RANBP3: variants seen among roughly 807,000 people sequenced by gnomAD.
The protein encoded by RANBP3 is RAN binding protein 3.
A neutral mutation model predicts 77.3 loss-of-function variants in RANBP3; 14 were observed. The observed-to-expected ratio is 0.18, with a 90% CI of 0.12 to 0.28. RANBP3 has a LOEUF of 0.28. RANBP3 is among the 10% of genes least tolerant of loss of function. The pLI, the probability that RANBP3 is intolerant of heterozygous loss-of-function variation, is 1.00. For synonymous variants in RANBP3, 315 were observed against 312.4 expected (o/e 1.01, Z -0.09); for missense variants, 586 against 752.3 (o/e 0.78, Z 2.59).
chr19:5,949,789 G>A (rs1468611892), intron 3 of RANBP3, among the ~76,000 whole-genome samples: 1 of 152,188 alleles, frequency 6.6e-6, no homozygotes, highest in Admixed American at 6.5e-5. Context: ...ATGAACATGT[G>A]GACGAGGTGA....
chr19:5,935,393 C>T (rs2058050431), intron 5 of RANBP3, among the ~76,000 whole-genome samples: 1 of 152,208 alleles, frequency 6.6e-6, no homozygotes, highest in East Asian at 1.9e-4. Flanking sequence ...GGGGGTGAGC[C>T]GCCAGATGTT....
At chr19:5,966,391 G>C (rs1203261656) in intron 1 of RANBP3, among the ~76,000 whole-genome samples, 1 of 152,190 alleles carries the variant, frequency 6.6e-6, no homozygotes, top group Non-Finnish European at 1.5e-5. Flanking sequence ...AAGGATCAAA[G>C]ACACATTCCA....
intron 3 of RANBP3, chr19:5,950,672 C>T (rs2058264195): frequency 1.3e-5 from 2 of 152,250 alleles, no homozygotes; most frequent in Admixed American, 1.3e-4. Flanking sequence ...TCATGAGTTA[C>T]CTACAGGATG....
chr19:5,920,026 G>T (rs2057797364), intron 14 of RANBP3, among the ~76,000 whole-genome samples: 1 of 152,202 alleles, frequency 6.6e-6, no homozygotes, highest in Non-Finnish European at 1.5e-5. Flanking sequence ...CCCTTCAAGG[G>T]GGCTGCTTGA....
chr19:5,928,652 G>T (rs1382546026), intron 8 of RANBP3, among the ~76,000 whole-genome samples: 1 of 152,068 alleles, frequency 6.6e-6, no homozygotes, highest in Non-Finnish European at 1.5e-5. Context: ...TAAGTCGGGA[G>T]AGAGAATTCA....
intron 13 of RANBP3, among the ~76,000 whole-genome samples, chr19:5,922,648 A>C (rs1250095727): frequency 3.9e-5 from 6 of 152,224 alleles, no homozygotes; most frequent in Non-Finnish European, 7.3e-5. Flanking sequence ...GAACCATCAA[A>C]AATGTCTCGG....
rs1433974533 is a variant in RANBP3, at chr19:5,958,924, C to T, written c.23-951G>A. ...TGCGGGCTGCGCACTGGTGCCTCCG[C>T]GTTGAGCAGGGTTTGGGAAGAGCCC... On this transcript the variant is annotated intron_variant, in intron 1 of 16. Transcript: ENST00000340578. The surrounding 1 kb of genome is among the most constrained non-coding windows in gnomAD (Gnocchi z 4.4). Among the ~76,000 whole-genome samples, 1 of 152,250 alleles carries T rather than the reference C, an allele frequency of 6.6e-6. No homozygotes were observed. The highest frequency in any genetic ancestry group is 1.5e-5 in the Non-Finnish European group (1 of 68,044).
chr19:5,962,498 G>C (rs2058416195), intron 1 of RANBP3, among the ~76,000 whole-genome samples: 1 of 152,172 alleles, frequency 6.6e-6, no homozygotes, highest in African/African-American at 2.4e-5. Context: ...CCGGCAGTTA[G>C]AGGGTGAATG....
intron 5 of RANBP3, chr19:5,935,575 C>T: frequency 2.8e-6 from 1 of 353,252 alleles, no homozygotes; most frequent in South Asian, 2.0e-5. Context: ...TGACTACTGC[C>T]CTTCCACACT....
chr19:5,919,342 C>G, intron 14 of RANBP3, among the ~76,000 whole-genome samples: 1 of 152,220 alleles, frequency 6.6e-6, no homozygotes, highest in East Asian at 1.9e-4. Flanking sequence ...CCCACTGGAG[C>G]AGGCCTGGAG....
intron 1 of RANBP3, chr19:5,962,741 T>A (rs896540978): frequency 2.2e-6 from 1 of 456,064 alleles, no homozygotes; most frequent in Non-Finnish European, 4.4e-6. Context: ...TTACTCACGC[T>A]GCATTTCTAC....
At chr19:5,941,889 G>A (rs1013761242) in intron 3 of RANBP3, 54 bp from the exon 4 acceptor site, 100 of 1,603,440 alleles carry the variant, frequency 6.2e-5, no homozygotes, top group Non-Finnish European at 8.4e-5. Context: ...CACGGCAGCC[G>A]AGCAACTCTC....
At chr19:5,919,117 T>C (rs1036088546) in intron 14 of RANBP3, among the ~76,000 whole-genome samples, 21 of 152,044 alleles carry the variant, frequency 1.4e-4, no homozygotes, top group Admixed American at 1.4e-3. Flanking sequence ...CTCCCCTGAG[T>C]GGGCCAGCCC....
Position 5,978,130 on chromosome 19 carries a change from G to T in RANBP3, c.-48C>A. The stretch of plus-strand genomic sequence containing the variant: ...CAAGGCCCCGCGCCGGCCCAGGCTC[G>T]CCTGCTTTCTGCCAGAAACTCCCGC... On this transcript the variant is annotated 5_prime_UTR_variant, in exon 1 of 17. Transcript: ENST00000340578. The T allele has an allele frequency of 6.3e-7, 1 of 1,589,296 alleles. No homozygotes were observed. The highest frequency in any genetic ancestry group is 1.1e-5 in the South Asian group (1 of 88,198).
rs369145269 is a variant in RANBP3 at position 5,919,709 on chromosome 19, A to C, written c.1331-1071T>G. Among the ~76,000 whole-genome samples the C allele has an allele frequency of 5.9e-4, 89 of 152,026 alleles. 1 individual carries two copies. The East Asian group carries it at 0.014, about 24-fold the overall frequency. ...AGGTCAGGAGTTCGAGACAAGCCTG[A>C]CCAATGTGGAGAAACCCTGTCTCTA... is the stretch of plus-strand genomic sequence containing the variant. On this transcript the variant is annotated intron_variant, in intron 14 of 16. Transcript: ENST00000340578.
rs982660096 is a variant in RANBP3 at position 5,916,942 on chromosome 19, C to G, written c.*668G>C. 6.6e-6 allele frequency: 1 copy of G among 152,498 alleles called. No homozygotes were observed. Among genetic ancestry groups the G allele is most frequent in the Non-Finnish European group, 1.5e-5 (1 of 68,228 alleles). 9.4% of individuals were successfully genotyped at this position (152,498 alleles called of 1,614,324 possible). A position where few individuals can be genotyped will look rare whatever the true frequency, so the allele number is the denominator to read the frequency against. ...AACCACAGGTGGGGGACAGGGACCT[C>G]GACAGAGCTGTGCCTGCTCAACGCT... On this transcript the variant is annotated 3_prime_UTR_variant, in exon 17 of 17. Coordinates refer to ENST00000340578, the MANE Select transcript of RANBP3 (RefSeq NM_007322.3).
chr19:5,964,875 G>A (rs2058448008), intron 1 of RANBP3, among the ~76,000 whole-genome samples: 1 of 146,080 alleles, frequency 6.8e-6, no homozygotes, highest in Non-Finnish European at 1.5e-5. Flanking sequence ...GGCACGGTGG[G>A]GGGTCACCTC....
At chr19:5,925,771 GT>G (rs2057899163) in intron 9 of RANBP3, 34 bp from the exon 10 acceptor site, 1 of 1,573,458 alleles carries the variant, frequency 6.4e-7, no homozygotes, top group Admixed American at 1.7e-5. Flanking sequence ...GTAATCGGGG[GT>G]GGGGGGGTGC....
chr19:5,977,892 C>T (rs995549430), intron 1 of RANBP3, among the ~76,000 whole-genome samples, 169 bp downstream of exon 1: 1 of 152,144 alleles, frequency 6.6e-6, no homozygotes, highest in African/African-American at 2.4e-5. Context: ...CCGGTGAGCC[C>T]GGCCTGAGGG....
Sources: allele counts gnomAD v4.1 joint callset (sites outside exome capture counted in the v4.1 genomes callset), GRCh38; gene constraint gnomAD v4.1.1; non-coding constraint Gnocchi (gnomAD v3.1); transcripts MANE v1.5; gene names NCBI Gene and HGNC (gene_info 2026-07-23, HGNC 2026-07-21).